LRRIQ1: variants seen among roughly 807,000 people sequenced by gnomAD.
LRRIQ1 encodes leucine-rich repeat- and IQ domain-containing protein 1.
LRRIQ1 carries 210 observed loss-of-function variants against 211.9 expected under a neutral mutation model. The observed-to-expected ratio is 0.99, with a 90% CI of 0.89 to 1.11. The LOEUF (loss-of-function observed/expected upper bound fraction) is 1.11. Among genes scored for constraint, LRRIQ1 ranks in the 50% most tolerant of loss-of-function variants. LRRIQ1 has a pLI of 0.00. For synonymous variants in LRRIQ1, 699 were observed against 650.1 expected, an observed-to-expected ratio of 1.08 and a Z score of -1.14; for missense variants, 2,136 against 1,939.5, an observed-to-expected ratio of 1.10 and a Z score of -1.90.
intron 24 of LRRIQ1, among the ~76,000 whole-genome samples, chr12:85,161,993 C>T (rs976498306): frequency 6.6e-6 from 1 of 151,552 alleles, no homozygotes; most frequent in Non-Finnish European, 1.5e-5. Flanking sequence ...GAGCCAAGAT[C>T]GCGCCACTGC....
intron 2 of LRRIQ1, among the ~76,000 whole-genome samples, chr12:85,039,240 T>C (rs1320190374): frequency 6.6e-6 from 1 of 151,270 alleles, no homozygotes; most frequent in African/African-American, 2.4e-5. Flanking sequence ...TTTAAAGCCC[T>C]TCTGTTTCAA....
chr12:85,072,824 A>T lies in LRRIQ1; in HGVS notation c.2696-83A>T, dbSNP rs1883234999. ...GTTTTATTTTTTGCTCCAGGTTTAA[A>T]TTTTTTTCTCATATAAGCTATAACC... is the stretch of plus-strand genomic sequence containing the variant. On this transcript the variant is annotated intron_variant, in intron 10 of 26. Coordinates refer to ENST00000393217, the MANE Select transcript of LRRIQ1 (RefSeq NM_001079910.2). 6.6e-6 allele frequency: 6 copies of T among 915,224 alleles called. No homozygotes were observed. The Admixed American group carries it at 2.2e-4, about 34-fold the overall frequency. The allele number at this position is 915,224 out of a possible 1,614,324, so 56.7% of individuals were successfully genotyped here. A position where few individuals can be genotyped will look rare whatever the true frequency, so the allele number is the denominator to read the frequency against.
chr12:85,038,222 T>G lies in LRRIQ1; in HGVS notation c.46T>G (p.Leu16Val). The change falls in exon 2 of 27, where the codon TTG becomes GTG. Residue 16 changes from leucine (L) to valine (V), a missense_variant. Physicochemically the swap from Leu to Val is conservative, Grantham distance 32. Coordinates refer to ENST00000393217, the MANE Select transcript of LRRIQ1 (RefSeq NM_001079910.2). ...GCTCAAAGCAGAAATAGAAGCTGAA[T>G]TGGATAAACTCAGCATTTCCTCCTT... ...AKLKAEIEAE[L>V]DKLSISSLEK... The G allele has an allele frequency of 6.3e-7, 1 of 1,584,184 alleles. No individual in the cohort carries two copies.
In LRRIQ1 at chr12:85,047,309, G is replaced by T. The variant is rs183333336; in HGVS notation, c.517G>T (p.Ala173Ser). Residue 173 changes from alanine to serine, a missense_variant, in exon 6 of 27, where the codon GCT (alanine) becomes TCT (serine). Ala to Ser is a moderately conservative substitution (Grantham distance 99, BLOSUM62 1). Coordinates refer to ENST00000393217, the MANE Select transcript of LRRIQ1 (RefSeq NM_001079910.2). The part of the protein sequence containing the change: ...VEEKCRQSFE[A>S]WQEKQKELED... ...AGAAAAATGTAGACAGTCTTTTGAGGCTTGGCAAGAGAAACAGAAGGAATT... is the reference window on the plus strand; with the variant it reads ...AGAAAAATGTAGACAGTCTTTTGAGTCTTGGCAAGAGAAACAGAAGGAATT... 5.6e-6 allele frequency: 9 copies of T among 1,612,316 alleles called. No individual in the cohort carries two copies. In the Admixed American group the frequency reaches 1.5e-4, roughly 27 times the overall value.
chr12:85,051,124 C>T (rs183108023), intron 6 of LRRIQ1, among the ~76,000 whole-genome samples: 5 of 151,988 alleles, frequency 3.3e-5, no homozygotes, highest in East Asian at 1.9e-4. Context: ...GTATTTGCTC[C>T]GTTAGTTGCC....
At chr12:85,201,566 T>G (rs1236852889) in intron 24 of LRRIQ1, among the ~76,000 whole-genome samples, 2 of 152,142 alleles carry the variant, frequency 1.3e-5, no homozygotes, top group East Asian at 1.9e-4. Context: ...TTTTCTAGTT[T>G]GTGTGAACAG....
At position 85,243,787 on chromosome 12, in the gene LRRIQ1, G is replaced by A. The variant is rs60580376; in HGVS notation, c.5017-1002G>A. On this transcript the variant is annotated intron_variant, in intron 26 of 26. Coordinates refer to ENST00000393217, the MANE Select transcript of LRRIQ1 (RefSeq NM_001079910.2). ...AAAAGTAGGAAGAAGGTGGGAGGGGGATGTAAAGGTGAAGGGCAAATATCT... is the reference window on the plus strand; with the variant it reads ...AAAAGTAGGAAGAAGGTGGGAGGGGAATGTAAAGGTGAAGGGCAAATATCT... 4.5e-3 allele frequency among the ~76,000 whole-genome samples: 688 copies of A among 151,696 alleles called. 22 individuals carry two copies. The East Asian group carries it at 0.082, about 18-fold the overall frequency.
In LRRIQ1 at chr12:85,193,661, T is replaced by G. The variant is rs569668470; in HGVS notation, c.4822+32947T>G. On this transcript the variant is annotated intron_variant, in intron 24 of 26. Coordinates refer to ENST00000393217, the MANE Select transcript of LRRIQ1 (RefSeq NM_001079910.2). The stretch of plus-strand genomic sequence containing the variant: ...ACCACCAGACCTGCCTTACAAGAGC[T>G]CCTAAAGGAAGCACTAAACATGGAA... Among the ~76,000 whole-genome samples the G allele has an allele frequency of 2.5e-4, 38 of 151,256 alleles. 1 individual carries two copies. The highest frequency in any genetic ancestry group is 9.2e-4 in the African/African-American group (38 of 41,206).
chr12:85,107,314 C>T (rs572792454), intron 15 of LRRIQ1, among the ~76,000 whole-genome samples: 1 of 152,040 alleles, frequency 6.6e-6, no homozygotes, highest in South Asian at 2.1e-4. Flanking sequence ...ATTTTTATCA[C>T]CTTAAGAAAT....
intron 24 of LRRIQ1, among the ~76,000 whole-genome samples, chr12:85,187,231 A>G (rs1892268494): frequency 6.6e-6 from 1 of 152,182 alleles, no homozygotes; most frequent in Non-Finnish European, 1.5e-5. Flanking sequence ...AGAACAATTT[A>G]CATAGCTTTC....
intron 17 of LRRIQ1, among the ~76,000 whole-genome samples, chr12:85,125,197 A>G (rs1428352483): frequency 6.6e-6 from 1 of 152,094 alleles, no homozygotes; most frequent in Non-Finnish European, 1.5e-5. Context: ...ATAAATAAAC[A>G]AAATAAAAAT....
chr12:85,253,206 ACAG>A (rs1896000206), intron 1 of LRRIQ1, among the ~76,000 whole-genome samples: 1 of 151,992 alleles, frequency 6.6e-6, no homozygotes, highest in Non-Finnish European at 1.5e-5. Flanking sequence ...TTCCATTCCT[ACAG>A]CAAGGAGTGC....
At chr12:85,157,748 T>G (rs1890631882) in intron 23 of LRRIQ1, among the ~76,000 whole-genome samples, 1 of 151,820 alleles carries the variant, frequency 6.6e-6, no homozygotes, top group South Asian at 2.1e-4. Context: ...GGAGCACTCC[T>G]CAGAGTGCTC....
intron 1 of LRRIQ1, among the ~76,000 whole-genome samples, chr12:85,257,501 T>G (rs948080209): frequency 2.0e-5 from 3 of 151,422 alleles, no homozygotes; most frequent in African/African-American, 7.3e-5. Context: ...GGGACCTAGA[T>G]AGCTTATGGA....
At chr12:85,205,901 C>T (rs924027004) in intron 24 of LRRIQ1, among the ~76,000 whole-genome samples, 3 of 152,160 alleles carry the variant, frequency 2.0e-5, no homozygotes, top group Non-Finnish European at 4.4e-5. Context: ...GCTGTTAATA[C>T]TTGTGATTGT....
At chr12:85,067,843 T>TA (rs1280891955) in intron 10 of LRRIQ1, among the ~76,000 whole-genome samples, 24 of 151,948 alleles carry the variant, frequency 1.6e-4, no homozygotes, top group African/African-American at 5.6e-4. Context: ...CCTTTCCTCT[T>TA]ACCTCACATT....
At chr12:85,119,804 A>T (rs1487741213) in intron 15 of LRRIQ1, among the ~76,000 whole-genome samples, 1 of 152,090 alleles carries the variant, frequency 6.6e-6, no homozygotes, top group Non-Finnish European at 1.5e-5. Flanking sequence ...CTGGCTTGTC[A>T]TCTGTATATA....
chr12:85,141,100 T>C (rs1248348643), intron 19 of LRRIQ1, among the ~76,000 whole-genome samples: 1 of 151,354 alleles, frequency 6.6e-6, no homozygotes, highest in African/African-American at 2.4e-5. Flanking sequence ...TTGGGAAGTG[T>C]TTCCTCTGCT....
At chr12:85,208,858 T>A (rs1565904718) in intron 24 of LRRIQ1, among the ~76,000 whole-genome samples, 1 of 152,180 alleles carries the variant, frequency 6.6e-6, no homozygotes, top group Non-Finnish European at 1.5e-5. Flanking sequence ...TTCTTAGGAC[T>A]CACATGACCT....
Sources: allele counts gnomAD v4.1 joint callset (sites outside exome capture counted in the v4.1 genomes callset), GRCh38; gene constraint gnomAD v4.1.1; transcripts MANE v1.5; gene names NCBI Gene and HGNC (gene_info 2026-07-23, HGNC 2026-07-21).